Variants in SERINC5 observed in about 807,000 individuals in gnomAD.
SERINC5 encodes serine incorporator 5.
SERINC5 carries 41 observed loss-of-function variants against 63.1 expected under a neutral mutation model. The ratio of observed to expected loss-of-function variants is 0.65; its 90% CI spans 0.51 to 0.84. SERINC5 has a LOEUF of 0.84. SERINC5 is among the 40% of genes least tolerant of loss of function. The probability of loss-of-function intolerance (pLI) is 0.00; values close to 1 mark genes in which losing one functional copy is unlikely to be tolerated. For synonymous variants in SERINC5, 222 were observed against 215.2 expected (o/e 1.03, Z -0.28); for missense variants, 523 against 573.0 (o/e 0.91, Z 0.89).
chr5:80,244,418 G>A (rs576367939), intron 1 of SERINC5, among the ~76,000 whole-genome samples: 208 of 151,984 alleles, frequency 1.4e-3, no homozygotes, highest in African/African-American at 4.8e-3. Flanking sequence ...GTTTTACCAC[G>A]TTGGTCAAGC....
intron 1 of SERINC5, among the ~76,000 whole-genome samples, chr5:80,238,591 C>G (rs1414391675): frequency 6.6e-6 from 1 of 152,012 alleles, no homozygotes; most frequent in Non-Finnish European, 1.5e-5. Flanking sequence ...CCAGACCAGC[C>G]TGACCAACGT....
At chr5:80,132,168 G>A (rs1327903919) in intron 11 of SERINC5, among the ~76,000 whole-genome samples, 1 of 152,146 alleles carries the variant, frequency 6.6e-6, no homozygotes, top group Non-Finnish European at 1.5e-5. Flanking sequence ...AATAGCAATT[G>A]TTGTTTTAAA....
In SERINC5 at chr5:80,239,552, T is replaced by C. The variant is rs181819290; in HGVS notation, c.27+16344A>G. Among the ~76,000 whole-genome samples, 9 of 150,568 alleles carry C rather than the reference T, an allele frequency of 6.0e-5. No homozygotes were observed. In the East Asian group the frequency reaches 7.9e-4, roughly 13 times the overall value. Reference sequence around the variant, plus strand: ...GGGAGGCACATCTCACAGACAAGCATGAAAACCCAATCATCATGCTTATGA... The same window carrying C: ...GGGAGGCACATCTCACAGACAAGCACGAAAACCCAATCATCATGCTTATGA... On this transcript the variant is annotated intron_variant, in intron 1 of 11. Coordinates refer to ENST00000507668, the MANE Select transcript of SERINC5 (RefSeq NM_001174072.3).
Position 80,139,722 on chromosome 5 carries a change from AG to A in SERINC5, c.*3940del. The A allele has an allele frequency of 1.0e-6, 1 of 985,476 alleles. No homozygotes were observed. The highest frequency in any genetic ancestry group is 1.2e-6 in the Non-Finnish European group (1 of 829,960). 61.0% of individuals were successfully genotyped at this position (985,476 alleles called of 1,614,324 possible). Reference sequence around the variant, plus strand: ...AAAACTAAGTTAACTAGCAAGTTACAGGAAATAGCCTTCAGTAAATTCCACA... The same window carrying A: ...AAAACTAAGTTAACTAGCAAGTTACAGAAATAGCCTTCAGTAAATTCCACA... On this transcript the variant is annotated 3_prime_UTR_variant, in exon 12 of 12. Coordinates refer to ENST00000507668, the MANE Select transcript of SERINC5 (RefSeq NM_001174072.3).
chr5:80,160,103 G>T (rs1274622980), intron 7 of SERINC5, among the ~76,000 whole-genome samples: 1 of 152,126 alleles, frequency 6.6e-6, no homozygotes, highest in Admixed American at 6.5e-5. Context: ...TGGTAGGGCT[G>T]TTTTGTGGAA....
At chr5:80,231,324 A>T (rs78416689) in intron 1 of SERINC5, among the ~76,000 whole-genome samples, 1 of 152,372 alleles carries the variant, frequency 6.6e-6, no homozygotes, top group African/African-American at 2.4e-5. Flanking sequence ...CCCATTACTC[A>T]GGAGAACAGT....
intron 1 of SERINC5, among the ~76,000 whole-genome samples, chr5:80,219,600 G>A (rs914163039): frequency 1.3e-4 from 20 of 152,190 alleles, no homozygotes; most frequent in African/African-American, 4.6e-4. Flanking sequence ...TCATTCCAAG[G>A]CAAGCTGGCA....
chr5:80,165,465 T>C (rs183006607), intron 7 of SERINC5, among the ~76,000 whole-genome samples: 3 of 152,318 alleles, frequency 2.0e-5, no homozygotes, highest in Admixed American at 6.5e-5. Flanking sequence ...TGTATATATG[T>C]ATGTATGTCT....
intron 1 of SERINC5, among the ~76,000 whole-genome samples, chr5:80,221,196 A>C (rs956098100): frequency 6.6e-6 from 1 of 152,066 alleles, no homozygotes; most frequent in African/African-American, 2.4e-5. Context: ...CAGGGTAAAA[A>C]TAAATAAATA....
intron 1 of SERINC5, among the ~76,000 whole-genome samples, chr5:80,232,782 C>CA (rs917275576): frequency 1.6e-3 from 228 of 141,908 alleles, no homozygotes; most frequent in Admixed American, 3.0e-3. Flanking sequence ...AACTCCATCT[C>CA]AAAAAAAAAA....
chr5:80,153,140 G>A (rs1287112346), intron 8 of SERINC5, among the ~76,000 whole-genome samples: 1 of 152,116 alleles, frequency 6.6e-6, no homozygotes, highest in Non-Finnish European at 1.5e-5. Context: ...GACTTCTACA[G>A]GTAGATGTTA....
downstream of SERINC5, among the ~76,000 whole-genome samples, chr5:80,133,765 T>C (rs1745043561): frequency 6.6e-6 from 1 of 152,234 alleles, no homozygotes; most frequent in Admixed American, 6.5e-5. Flanking sequence ...TACGGGAGAC[T>C]GGAGTTGTAT....
chr5:80,120,978 C>G (rs1744520946), intron 11 of SERINC5, among the ~76,000 whole-genome samples: 1 of 152,042 alleles, frequency 6.6e-6, no homozygotes, highest in Non-Finnish European at 1.5e-5. Flanking sequence ...ACCTCCGCCT[C>G]CCAGGTTCCA....
At position 80,138,964 on chromosome 5, in the gene SERINC5, C is replaced by T. The variant is rs1745344557; in HGVS notation, c.*4699G>A. The T allele has an allele frequency of 2.1e-6, 2 of 975,568 alleles. No individual in the cohort carries two copies. The highest frequency in any genetic ancestry group is 2.4e-6 in the Non-Finnish European group (2 of 821,260). The allele number at this position is 975,568 out of a possible 1,614,324, so 60.4% of individuals were successfully genotyped here. A position where few individuals can be genotyped will look rare whatever the true frequency, so the allele number is the denominator to read the frequency against. On this transcript the variant is annotated 3_prime_UTR_variant, in exon 12 of 12. Coordinates refer to ENST00000507668, the MANE Select transcript of SERINC5 (RefSeq NM_001174072.3). The stretch of plus-strand genomic sequence containing the variant: ...GTTTTTTATATAGGAAAAGCCTAGT[C>T]AATTCAGATGCTTTCTAGAAAAATT...
intron 9 of SERINC5, among the ~76,000 whole-genome samples, chr5:80,147,598 C>G (rs758477737): frequency 1.1e-4 from 16 of 151,894 alleles, no homozygotes; most frequent in Non-Finnish European, 2.4e-4. Flanking sequence ...AAAGGCCGTG[C>G]CTTTATGGCT....
chr5:80,233,543 G>A (rs1751548776), intron 1 of SERINC5, among the ~76,000 whole-genome samples: 1 of 152,032 alleles, frequency 6.6e-6, no homozygotes, highest in Non-Finnish European at 1.5e-5. Context: ...GCTCATTAGA[G>A]AAGTGCAAGT....
At chr5:80,175,285 A>C (rs1241328194) in intron 4 of SERINC5, among the ~76,000 whole-genome samples, 1 of 152,212 alleles carries the variant, frequency 6.6e-6, no homozygotes, top group African/African-American at 2.4e-5. Context: ...ATCTGAACAC[A>C]GGCAGTCTGA....
chr5:80,245,944 C>T (rs1413423723), intron 1 of SERINC5, among the ~76,000 whole-genome samples: 1 of 125,578 alleles, frequency 8.0e-6, no homozygotes, highest in Non-Finnish European at 1.6e-5. Context: ...TGACATTTTA[C>T]TTTAGGGATT....
Position 80,150,555 on chromosome 5 carries a change from C to T in SERINC5, c.1053+327G>A, listed in dbSNP as rs926956986. ...GGTTCAAGTGATTCTCGCGTCTCAG[C>T]CTCCCAAGTAGCTGGGACTACAGGT... On this transcript the variant is annotated intron_variant, in intron 9 of 11. Transcript: ENST00000507668. Among the ~76,000 whole-genome samples the T allele has an allele frequency of 3.9e-5, 6 of 152,172 alleles. No individual in the cohort carries two copies. In the East Asian group the frequency reaches 1.2e-3, roughly 29 times the overall value.
Sources: gnomAD v4.1 joint callset for allele counts (sites outside exome capture counted in the v4.1 genomes callset) on GRCh38, gnomAD v4.1.1 for gene constraint, MANE v1.5 for transcripts, NCBI Gene and HGNC (gene_info 2026-07-23, HGNC 2026-07-21) for gene names.